CYP19A1: variants seen among roughly 807,000 people sequenced by gnomAD.
CYP19A1 encodes the protein cytochrome P450 family 19 subfamily A member 1, also known as aromatase.
Under a neutral mutation model 44.4 loss-of-function variants are expected in CYP19A1, and 32 were observed. The observed-to-expected ratio is 0.72, with a 90% confidence interval of 0.54 to 0.97. The LOEUF is 0.97. Among genes scored for constraint, CYP19A1 ranks in the 50% least tolerant of loss-of-function variants. The pLI, the probability that CYP19A1 is intolerant of heterozygous loss-of-function variation, is 0.00. For missense variants in CYP19A1, 598 were observed against 637.8 expected (o/e 0.94, Z 0.67); for synonymous variants, 212 against 215.6 (o/e 0.98, Z 0.14).
intron 3 of CYP19A1, among the ~76,000 whole-genome samples, chr15:51,234,224 G>T (rs958683813): frequency 6.6e-6 from 1 of 152,162 alleles, no homozygotes; most frequent in Non-Finnish European, 1.5e-5. Context: ...TCCTATTCCC[G>T]CGGGGAGCTC....
intron 1 of CYP19A1, among the ~76,000 whole-genome samples, chr15:51,331,165 G>A (rs1297522956): frequency 6.6e-6 from 1 of 151,998 alleles, no homozygotes; most frequent in Non-Finnish European, 1.5e-5. Context: ...AGCTTTATTA[G>A]GGATAAAGCT....
At chr15:51,332,843 C>T (rs527435573) in intron 1 of CYP19A1, among the ~76,000 whole-genome samples, 1 of 152,346 alleles carries the variant, frequency 6.6e-6, no homozygotes, top group African/African-American at 2.4e-5. Flanking sequence ...CATGATCCTT[C>T]TTCCCCTATA....
chr15:51,273,946 G>A (rs753795111), intron 1 of CYP19A1, among the ~76,000 whole-genome samples: 2 of 152,154 alleles, frequency 1.3e-5, no homozygotes, highest in Non-Finnish European at 2.9e-5. Context: ...GACGGAGGTT[G>A]CAGTAAGCCA....
chr15:51,211,578 T>C (rs2141031856), intron 9 of CYP19A1: 1 of 378,640 alleles, frequency 2.6e-6, no homozygotes. Flanking sequence ...TTCAATAAAT[T>C]TTTGTTGATC....
At chr15:51,305,196 G>A (rs912656409) in intron 1 of CYP19A1, among the ~76,000 whole-genome samples, 3 of 151,972 alleles carry the variant, frequency 2.0e-5, no homozygotes, top group Admixed American at 6.6e-5. Context: ...CATCGCGCCC[G>A]GCCACGTCTC....
chr15:51,249,807 G>C (rs574685874), intron 1 of CYP19A1, among the ~76,000 whole-genome samples: 6 of 152,240 alleles, frequency 3.9e-5, no homozygotes, highest in African/African-American at 1.4e-4. Flanking sequence ...TGAGATCCAG[G>C]GAAGGTCACT....
intron 1 of CYP19A1, among the ~76,000 whole-genome samples, chr15:51,296,248 G>T (rs1284786455): frequency 6.6e-6 from 1 of 152,060 alleles, no homozygotes; most frequent in African/African-American, 2.4e-5. Context: ...TTGTAGAAGA[G>T]GCCTTGAGAG....
At chr15:51,269,910 G>T (rs376711815) in intron 1 of CYP19A1, among the ~76,000 whole-genome samples, 1 of 152,016 alleles carries the variant, frequency 6.6e-6, no homozygotes, top group African/African-American at 2.4e-5. Context: ...CCAGTCATTT[G>T]CCCCTGTAAA....
intron 3 of CYP19A1, 81 bp from the exon 4 acceptor site, chr15:51,228,014 C>A: frequency 2.5e-6 from 2 of 799,180 alleles, no homozygotes; most frequent in Non-Finnish European, 2.3e-6. Flanking sequence ...GGAGGTAGCT[C>A]TCTTAGCAAA....
In CYP19A1 at chr15:51,211,009, A is replaced by C. The variant is rs940467005; in HGVS notation, c.1311T>G (p.Cys437Trp). The C allele has an allele frequency of 1.1e-5, 18 of 1,593,142 alleles. No homozygotes were observed. The highest frequency in any genetic ancestry group is 1.6e-5 in the Non-Finnish European group (18 of 1,160,924). ...TCACCATGGCGATGTACTTTCCTGC[A>C]CAGCCACGGGGCCCAAAGCCAAATG... Reference protein sequence around the residue: ...FQPFGFGPRGCAGKYIAMVMM... With the variant: ...FQPFGFGPRGWAGKYIAMVMM... Residue 437 changes from cysteine (C) to tryptophan (W), a missense_variant, in exon 10 of 10, where the codon TGT (cysteine) becomes TGG (tryptophan). By Grantham distance (215) the Cys-to-Trp change is radical. Coordinates refer to ENST00000396402, the MANE Select transcript of CYP19A1 (RefSeq NM_000103.4).
At chr15:51,330,263 G>A (rs2141029926) in intron 1 of CYP19A1, among the ~76,000 whole-genome samples, 1 of 152,236 alleles carries the variant, frequency 6.6e-6, no homozygotes. Flanking sequence ...TAGCAGACTG[G>A]GAGTAGAAGG....
At chr15:51,235,624 A>G (rs1479777559) in intron 3 of CYP19A1, among the ~76,000 whole-genome samples, 1 of 152,250 alleles carries the variant, frequency 6.6e-6, no homozygotes, top group African/African-American at 2.4e-5. Flanking sequence ...AATATTTAGA[A>G]GTATTAAAAT....
At chr15:51,329,706 G>A (rs938063059) in intron 1 of CYP19A1, among the ~76,000 whole-genome samples, 2 of 152,214 alleles carry the variant, frequency 1.3e-5, no homozygotes, top group African/African-American at 4.8e-5. Flanking sequence ...ATCTCAGAAA[G>A]AAATTGTAAG....
rs1307304453 is a variant in CYP19A1 at position 51,208,480 on chromosome 15, T to G, written c.*2328A>C. 1 of 152,154 alleles carries G rather than the reference T, an allele frequency of 6.6e-6. No individual in the cohort carries two copies. The highest frequency in any genetic ancestry group is 1.9e-4 in the East Asian group (1 of 5,194). The allele number at this position is 152,154 out of a possible 1,614,324, so 9.4% of individuals were successfully genotyped here. A position where few individuals can be genotyped will look rare whatever the true frequency, so the allele number is the denominator to read the frequency against. On this transcript the variant is annotated 3_prime_UTR_variant, in exon 10 of 10. Transcript: ENST00000396402. ...GATGAAAATGGAATCCACAGCACAT[T>G]GCACATTCAAGAGTGACGGTTAAGC...
intron 1 of CYP19A1, among the ~76,000 whole-genome samples, chr15:51,317,036 G>A (rs1015503982): frequency 2.0e-5 from 3 of 152,106 alleles, no homozygotes; most frequent in African/African-American, 7.2e-5. Context: ...CCCAACACAA[G>A]GAGCCACCTT....
At chr15:51,335,915 C>A (rs2036767700) in intron 1 of CYP19A1, among the ~76,000 whole-genome samples, 1 of 152,216 alleles carries the variant, frequency 6.6e-6, no homozygotes. Context: ...CTCCATGTGG[C>A]ACCGCATTGG....
chr15:51,233,547 C>G (rs767268827), intron 3 of CYP19A1, among the ~76,000 whole-genome samples: 20 of 152,126 alleles, frequency 1.3e-4, no homozygotes, highest in Non-Finnish European at 2.5e-4. Context: ...TAGAATCATT[C>G]AGTGCTTAGT....
chr15:51,247,158 T>C (rs1367776166), intron 1 of CYP19A1, among the ~76,000 whole-genome samples: 1 of 152,130 alleles, frequency 6.6e-6, no homozygotes, highest in Non-Finnish European at 1.5e-5. Context: ...TCTACAGCTG[T>C]TCTTATTCCT....
At chr15:51,242,061 T>A (rs1320860687) in intron 2 of CYP19A1, 1 of 153,972 alleles carries the variant, frequency 6.5e-6, no homozygotes, top group Non-Finnish European at 1.5e-5. Flanking sequence ...TCATTGCGGC[T>A]TTAAGGGTGG....
Sources: gnomAD v4.1 joint callset for allele counts (sites outside exome capture counted in the v4.1 genomes callset) on GRCh38, gnomAD v4.1.1 for gene constraint, MANE v1.5 for transcripts, NCBI Gene and HGNC (gene_info 2026-07-23, HGNC 2026-07-21) for gene names.